The following ITPR1 variants were observed in gnomAD, a reference collection of about 807,000 sequenced individuals.
ITPR1 encodes the protein inositol 1,4,5-trisphosphate receptor type 1.
A neutral mutation model predicts 318.4 loss-of-function variants in ITPR1; 96 were observed. The observed-to-expected ratio is 0.30, with a 90% CI of 0.26 to 0.36. The LOEUF (loss-of-function observed/expected upper bound fraction) is 0.36, where lower values mean the gene tolerates loss of function less well. Ranked by LOEUF, ITPR1 falls within the 10% of genes least tolerant of loss-of-function variation. The pLI, the probability that ITPR1 is intolerant of heterozygous loss-of-function variation, is 1.00. For missense variants in ITPR1, 2,440 were observed against 3,460.2 expected, an observed-to-expected ratio of 0.71 and a Z score of 7.40; for synonymous variants, 1,312 against 1,289.9, an observed-to-expected ratio of 1.02 and a Z score of -0.37.
intron 58 of ITPR1, 129 bp downstream of exon 58, chr3:4,814,691 C>T (rs915423724): frequency 5.7e-5 from 46 of 806,580 alleles, no homozygotes; most frequent in Middle Eastern, 7.4e-4. Context: ...TGAGTAGCTG[C>T]GGAACTAGCT....
intron 44 of ITPR1, among the ~76,000 whole-genome samples, chr3:4,763,399 A>G (rs993770308): frequency 2.0e-5 from 3 of 152,212 alleles, no homozygotes; most frequent in Non-Finnish European, 2.9e-5. Context: ...CAGAATAAAA[A>G]AAAAAGAAAT....
At chr3:4,623,252 C>CCTGTTCTGT (rs2092706066) in intron 4 of ITPR1, among the ~76,000 whole-genome samples, 1 of 152,204 alleles carries the variant, frequency 6.6e-6, no homozygotes, top group Non-Finnish European at 1.5e-5. Context: ...TGGAAGCTCA[C>CCTGTTCTGT]CTGTGGCCTG....
chr3:4,720,752 G>A (rs957692020), intron 40 of ITPR1, among the ~76,000 whole-genome samples: 1 of 152,018 alleles, frequency 6.6e-6, no homozygotes, highest in African/African-American at 2.4e-5. Flanking sequence ...TCTCCTACTT[G>A]AGCTGCTTCT....
Position 4,680,624 on chromosome 3 carries a change from A to G in ITPR1, c.3039A>G (p.Glu1013=). Residue 1013 remains glutamate (E), a synonymous_variant, in exon 25 of 62, where the codon GAA becomes GAG. Transcript: ENST00000649015. ...LLCIFKREFD[E]SNSQTSETSS... is the part of the protein sequence containing the mutation. ...GTATATTTAAGCGAGAGTTTGATGA[A>G]AGCAATTCCCAGACTTCAGAAACAT... 6.2e-7 allele frequency: 1 copy of G among 1,613,762 alleles called. No individual in the cohort carries two copies. Among genetic ancestry groups the G allele is most frequent in the Non-Finnish European group, 8.5e-7 (1 of 1,179,662 alleles).
chr3:4,640,397 G>A (rs1054028785), intron 6 of ITPR1, among the ~76,000 whole-genome samples: 1 of 152,088 alleles, frequency 6.6e-6, no homozygotes, highest in Non-Finnish European at 1.5e-5. Context: ...AAATCTGCTT[G>A]AAGATTAGAT....
At chr3:4,829,382 G>C (rs531608562) in intron 60 of ITPR1, among the ~76,000 whole-genome samples, 16 of 152,140 alleles carry the variant, frequency 1.1e-4, no homozygotes, top group Non-Finnish European at 2.1e-4. Context: ...GGGACAAAGA[G>C]AACTGAATTC....
chr3:4,766,504 C>G (rs1442904021), intron 44 of ITPR1, 26 bp from the exon 45 acceptor site: 22 of 1,608,372 alleles, frequency 1.4e-5, no homozygotes, highest in Non-Finnish European at 1.9e-5. Flanking sequence ...TTACAGTGTT[C>G]ACAATCTATG....
chr3:4,729,428 C>T (rs745990750), intron 42 of ITPR1, among the ~76,000 whole-genome samples: 52 of 152,158 alleles, frequency 3.4e-4, no homozygotes, highest in Admixed American at 2.4e-3. Flanking sequence ...AAAATCCAGG[C>T]GCTACCCTCA....
intron 44 of ITPR1, among the ~76,000 whole-genome samples, chr3:4,746,054 A>G (rs1170810835): frequency 6.6e-6 from 1 of 152,220 alleles, no homozygotes; most frequent in African/African-American, 2.4e-5. Flanking sequence ...ATGGAGGAGC[A>G]GCGGTTTGAA....
At chr3:4,745,072 T>G (rs1389857124) in intron 44 of ITPR1, among the ~76,000 whole-genome samples, 27 of 148,874 alleles carry the variant, frequency 1.8e-4, no homozygotes, top group Non-Finnish European at 3.6e-4. Context: ...TTCTGTGTTT[T>G]CTTTCTTTCT....
intron 4 of ITPR1, among the ~76,000 whole-genome samples, chr3:4,607,025 G>A (rs1354311563): frequency 1.3e-5 from 2 of 152,150 alleles, no homozygotes; most frequent in Non-Finnish European, 2.9e-5. Context: ...TGACATTCCT[G>A]GCTAATATTC....
intron 4 of ITPR1, among the ~76,000 whole-genome samples, chr3:4,592,684 C>T (rs9809167): frequency 0.29 from 43,580 of 151,990 alleles, 7,731 homozygotes; most frequent in East Asian, 0.51. Flanking sequence ...TCCACACCAT[C>T]GTCTGCAACT....
rs560676638 is a variant in ITPR1 at position 4,685,049 on chromosome 3, G to A, written c.3565-20G>A. 3.9e-5 allele frequency: 63 copies of A among 1,603,170 alleles called. No homozygotes were observed. Among genetic ancestry groups the A allele is most frequent in the Non-Finnish European group, 5.1e-5 (60 of 1,174,438 alleles). ...CTATAGTTCCTAGTTTTCTGAGACT[G>A]ATTTCTTTCATTCTACTAGATTTTG... On this transcript the variant is annotated intron_variant, in intron 29 of 61. Coordinates refer to ENST00000649015, the MANE Select transcript of ITPR1 (RefSeq NM_001378452.1).
intron 53 of ITPR1, 112 bp from the exon 54 acceptor site, chr3:4,800,313 C>A: frequency 9.1e-7 from 1 of 1,101,174 alleles, no homozygotes; most frequent in Non-Finnish European, 1.3e-6. Flanking sequence ...AGAGTTGGGA[C>A]TGGTAAGCCA....
At chr3:4,635,941 A>T (rs1389430024) in intron 5 of ITPR1, among the ~76,000 whole-genome samples, 1 of 150,896 alleles carries the variant, frequency 6.6e-6, no homozygotes, top group Non-Finnish European at 1.5e-5. Context: ...GCTCACTGCA[A>T]CCTCTGCCTC....
intron 60 of ITPR1, among the ~76,000 whole-genome samples, chr3:4,836,125 T>G: frequency 6.6e-6 from 1 of 152,312 alleles, no homozygotes; most frequent in East Asian, 1.9e-4. Flanking sequence ...TAAAATTCAC[T>G]TCACTTCAAG....
chr3:4,752,182 C>G (rs758784536), intron 44 of ITPR1, among the ~76,000 whole-genome samples: 1 of 152,160 alleles, frequency 6.6e-6, no homozygotes, highest in Non-Finnish European at 1.5e-5. Flanking sequence ...GGATGTGTTG[C>G]AGTTGCCCTC....
At chr3:4,690,176 G>C (rs1396736213) in intron 31 of ITPR1, among the ~76,000 whole-genome samples, 1 of 152,206 alleles carries the variant, frequency 6.6e-6, no homozygotes, top group Non-Finnish European at 1.5e-5. Context: ...CTTGGAGGCT[G>C]AGGCAGGAGA....
At chr3:4,808,530 C>T (rs1020450467) in intron 55 of ITPR1, among the ~76,000 whole-genome samples, 1 of 152,230 alleles carries the variant, frequency 6.6e-6, no homozygotes, top group African/African-American at 2.4e-5. Context: ...GCAATAGGAT[C>T]AAACCAGATT....
Sources: allele counts gnomAD v4.1 joint callset (sites outside exome capture counted in the v4.1 genomes callset), GRCh38; gene constraint gnomAD v4.1.1; transcripts MANE v1.5; gene names NCBI Gene and HGNC (gene_info 2026-07-23, HGNC 2026-07-21).